TRIP11: variants seen among roughly 807,000 people sequenced by gnomAD.
TRIP11 encodes thyroid receptor-interacting protein 11.
A neutral mutation model predicts 223.1 loss-of-function variants in TRIP11; 148 were observed. The ratio of observed to expected loss-of-function variants is 0.66; its 90% CI spans 0.58 to 0.76. The LOEUF is 0.76. Among genes scored for constraint, TRIP11 ranks in the 30% least tolerant of loss-of-function variants. The pLI, the probability that TRIP11 is intolerant of heterozygous loss-of-function variation, is 0.00. For missense variants in TRIP11, 2,043 were observed against 2,222.0 expected, an observed-to-expected ratio of 0.92 and a Z score of 1.62; for synonymous variants, 762 against 772.6, an observed-to-expected ratio of 0.99 and a Z score of 0.23.
chr14:91,970,248 A>G (rs1326339440), intron 20 of TRIP11, among the ~76,000 whole-genome samples: 1 of 151,964 alleles, frequency 6.6e-6, no homozygotes, highest in Non-Finnish European at 1.5e-5. Flanking sequence ...CTCTACTAAA[A>G]ACACAAAATA....
At chr14:92,021,355 C>T (rs1369458106) in intron 4 of TRIP11, among the ~76,000 whole-genome samples, 2 of 147,822 alleles carry the variant, frequency 1.4e-5, no homozygotes, top group Non-Finnish European at 3.0e-5. Context: ...CGCTACTACA[C>T]TCTAGCATGG....
At position 92,026,117 on chromosome 14, in the gene TRIP11, T is replaced by A. The variant is rs1048967525; in HGVS notation, c.202-697A>T. Among the ~76,000 whole-genome samples, 21 of 152,332 alleles carry A rather than the reference T, an allele frequency of 1.4e-4. No individual in the cohort carries two copies. In the South Asian group the frequency reaches 3.3e-3, roughly 24 times the overall value. On this transcript the variant is annotated intron_variant, in intron 2 of 20. Coordinates refer to ENST00000267622, the MANE Select transcript of TRIP11 (RefSeq NM_004239.4). ...TTTCTTCCCCAAACAGAACTTTTTTTAAAAAGAAATCTTTCTGGTTGAAGT... is the reference window on the plus strand; with the variant it reads ...TTTCTTCCCCAAACAGAACTTTTTTAAAAAAGAAATCTTTCTGGTTGAAGT...
At chr14:91,995,971 T>C (rs556792069) in intron 13 of TRIP11, among the ~76,000 whole-genome samples, 10 of 152,300 alleles carry the variant, frequency 6.6e-5, no homozygotes, top group African/African-American at 2.2e-4. Flanking sequence ...TTTAATAAGA[T>C]GAAACATCCT....
At chr14:91,979,257 C>CAAAAAAA (rs558337126) in intron 16 of TRIP11, among the ~76,000 whole-genome samples, 2 of 102,888 alleles carry the variant, frequency 1.9e-5, no homozygotes, top group Non-Finnish European at 2.0e-5. Flanking sequence ...ACCCTGTCTC[C>CAAAAAAA]AAAAAAAAAA....
chr14:91,999,475 T>C (rs954890873), intron 12 of TRIP11, 42 bp from the exon 13 acceptor site: 2 of 1,587,792 alleles, frequency 1.3e-6, no homozygotes, highest in Non-Finnish European at 1.7e-6. Flanking sequence ...AATGCTCCCT[T>C]TCCACTGCTA....
chr14:92,014,411 ATC>A lies in TRIP11; in HGVS notation c.988_989del (p.Asp330TyrfsTer21), dbSNP rs750602133. 2.4e-5 allele frequency: 38 copies of A among 1,612,116 alleles called. No homozygotes were observed. The highest frequency in any genetic ancestry group is 1.7e-4 in the Middle Eastern group (1 of 5,920). ...GCTGTTCTTGTTCTCTCCTCAAAAT[ATC>A]TCTGTCATTTTCTGCAGAAGATAAT... ...KKLSSAENDR[D>X]ILRREQEQLN... On this transcript the variant is annotated frameshift_variant, in exon 7 of 21. Transcript: ENST00000267622. LOFTEE classifies it high-confidence loss of function.
chr14:91,995,323 T>C, intron 14 of TRIP11, 29 bp downstream of exon 14: 2 of 1,612,078 alleles, frequency 1.2e-6, no homozygotes, highest in Non-Finnish European at 1.7e-6. Context: ...ACAATTTTTC[T>C]TCATTGAAAG....
intron 1 of TRIP11, among the ~76,000 whole-genome samples, chr14:92,036,008 G>T (rs1359419726): frequency 6.6e-6 from 1 of 152,188 alleles, no homozygotes; most frequent in Non-Finnish European, 1.5e-5. Flanking sequence ...TAAATCAAAA[G>T]AAGCATGCAG....
At chr14:92,025,150 TA>T (rs1405498150) in intron 3 of TRIP11, among the ~76,000 whole-genome samples, 159 bp downstream of exon 3, 14 of 152,188 alleles carry the variant, frequency 9.2e-5, no homozygotes, top group African/African-American at 3.4e-4. Flanking sequence ...ACAAAGTTCT[TA>T]TTAAATAAGG....
Position 92,004,038 on chromosome 14 carries a change from G to A in TRIP11, c.3938C>T (p.Ser1313Leu). 6.2e-7 allele frequency: 1 copy of A among 1,614,128 alleles called. No individual in the cohort carries two copies. Among genetic ancestry groups the A allele is most frequent in the East Asian group, 2.2e-5 (1 of 44,872 alleles). The change falls in exon 11 of 21, where the codon TCA (serine) becomes TTA (leucine). Residue 1313 changes from serine to leucine, a missense_variant. Physicochemically the swap from Ser to Leu is moderately radical, Grantham distance 145. Transcript: ENST00000267622. ...DLLLGKLDII[S>L]PQLSSASLLT... ...CAATGATGCAGAAGACAGCTGGGGT[G>A]AAATAATATCAAGTTTTCCTAAAAG... is the stretch of plus-strand genomic sequence containing the variant.
intron 3 of TRIP11, among the ~76,000 whole-genome samples, chr14:92,023,759 G>A (rs2057143017): frequency 6.6e-6 from 1 of 152,170 alleles, no homozygotes; most frequent in Non-Finnish European, 1.5e-5. Context: ...GACGAATGCA[G>A]TTGAATGCTC....
At chr14:92,026,110 C>G (rs2057182760) in intron 2 of TRIP11, among the ~76,000 whole-genome samples, 1 of 152,120 alleles carries the variant, frequency 6.6e-6, no homozygotes, top group Admixed American at 6.5e-5. Context: ...CCAAACAGAA[C>G]TTTTTTTAAA....
At position 91,969,882 on chromosome 14, in the gene TRIP11, A is replaced by T. The variant is rs2056380462; in HGVS notation, c.5731T>A (p.Ser1911Thr). ...APESFKDTAESRSGRRTDVNP... is the reference protein window; with the variant it reads ...APESFKDTAETRSGRRTDVNP... ...ACATCTGTTCTTCTACCAGACCTGGATTCTGCTGTATCTAAAGAATAAAAT... is the reference window on the plus strand; with the variant it reads ...ACATCTGTTCTTCTACCAGACCTGGTTTCTGCTGTATCTAAAGAATAAAAT... The change falls in exon 21 of 21, where the codon TCC (serine) becomes ACC (threonine). Residue 1911 changes from serine to threonine, a missense_variant. Ser to Thr is a moderately conservative substitution (Grantham distance 58, BLOSUM62 1). Coordinates refer to ENST00000267622, the MANE Select transcript of TRIP11 (RefSeq NM_004239.4). 1 of 1,613,830 alleles carries T rather than the reference A, an allele frequency of 6.2e-7. No homozygotes were observed. Among genetic ancestry groups the T allele is most frequent in the Non-Finnish European group, 8.5e-7 (1 of 1,179,934 alleles).
rs558431332 is a variant in TRIP11 at position 92,029,139 on chromosome 14, A to G, written c.202-3719T>C. Among the ~76,000 whole-genome samples, 17 of 152,248 alleles carry G rather than the reference A, an allele frequency of 1.1e-4. 1 individual carries two copies. The highest frequency in any genetic ancestry group is 1.0e-3 in the Admixed American group (16 of 15,284). ...ATTTGGCTCTTTTACTATCATGGGAATTTTAAAAAATCATTTAAAAAATTA... is the reference window on the plus strand; with the variant it reads ...ATTTGGCTCTTTTACTATCATGGGAGTTTTAAAAAATCATTTAAAAAATTA... On this transcript the variant is annotated intron_variant, in intron 2 of 20. Transcript: ENST00000267622.
Position 92,014,516 on chromosome 14 carries a change from T to A in TRIP11, c.885A>T (p.Gln295His). The A allele has an allele frequency of 6.3e-7, 1 of 1,599,494 alleles. No homozygotes were observed. The highest frequency in any genetic ancestry group is 8.5e-7 in the Non-Finnish European group (1 of 1,176,614). ...SKIYEMQKTIQVLQIEKVEST... is the reference protein window; with the variant it reads ...SKIYEMQKTIHVLQIEKVEST... ...ACTCCACTTTTTCTATTTGTAGAAC[T>A]TGAATAGTTTTTTGCATCTCATAGA... The change falls in exon 7 of 21, where the codon CAA (glutamine) becomes CAT (histidine). Residue 295 changes from glutamine (Q) to histidine (H), a missense_variant. By Grantham distance (24) the Gln-to-His change is conservative (BLOSUM62 0). Transcript: ENST00000267622.
At chr14:91,977,354 C>T (rs1484161975) in intron 16 of TRIP11, 2 of 361,232 alleles carry the variant, frequency 5.5e-6, no homozygotes, top group African/African-American at 2.2e-5. Flanking sequence ...TAACCCAACA[C>T]CTGTTTTAAG....
intron 13 of TRIP11, among the ~76,000 whole-genome samples, chr14:91,997,367 G>A (rs1330088963): frequency 1.3e-5 from 2 of 152,104 alleles, no homozygotes; most frequent in Non-Finnish European, 2.9e-5. Context: ...CTACCTCCCA[G>A]TGACTTTACA....
At chr14:91,989,997 T>G (rs1368062976) in intron 15 of TRIP11, among the ~76,000 whole-genome samples, 1 of 152,114 alleles carries the variant, frequency 6.6e-6, no homozygotes, top group Non-Finnish European at 1.5e-5. Flanking sequence ...GGGCTTCCCA[T>G]CTTGACTGCC....
Position 92,006,268 on chromosome 14 carries a change from C to A in TRIP11, c.1708G>T (p.Ala570Ser), listed in dbSNP as rs376096662. 3.1e-5 allele frequency: 50 copies of A among 1,611,362 alleles called. No homozygotes were observed. The highest frequency in any genetic ancestry group is 4.1e-5 in the Non-Finnish European group (48 of 1,179,128). The change falls in exon 11 of 21, where the codon GCC becomes TCC. Residue 570 changes from alanine to serine, a missense_variant. Transcript: ENST00000267622. ...QKEKLIQSEVALNDLHLTKQK... is the reference protein window; with the variant it reads ...QKEKLIQSEVSLNDLHLTKQK... Reference sequence around the variant, plus strand: ...TTGGTTAAATGTAAATCATTTAGGGCCACTTCACTTTGAATTAGCTTTTCT... The same window carrying A: ...TTGGTTAAATGTAAATCATTTAGGGACACTTCACTTTGAATTAGCTTTTCT...
Sources: allele counts gnomAD v4.1 joint callset (sites outside exome capture counted in the v4.1 genomes callset), GRCh38; gene constraint gnomAD v4.1.1; transcripts MANE v1.5; gene names NCBI Gene and HGNC (gene_info 2026-07-23, HGNC 2026-07-21).